Variants in PDE4D observed in about 807,000 individuals in gnomAD.
PDE4D encodes 3',5'-cyclic-AMP phosphodiesterase 4D.
In PDE4D, 24 loss-of-function variants were observed where a neutral mutation model predicts 87.4. The observed-to-expected ratio is 0.27, with a 90% confidence interval of 0.20 to 0.39. The LOEUF (loss-of-function observed/expected upper bound fraction) is 0.39. Ranked by LOEUF, PDE4D falls within the 10% of genes least tolerant of loss-of-function variation. The pLI, the probability that PDE4D is intolerant of heterozygous loss-of-function variation, is 1.00. For synonymous variants in PDE4D, 384 were observed against 383.2 expected (o/e 1.00, Z -0.02); for missense variants, 714 against 1,041.0 (o/e 0.69, Z 4.32).
intron 1 of PDE4D, among the ~76,000 whole-genome samples, chr5:60,357,153 CAA>C (rs57121664): frequency 3.5e-5 from 5 of 141,894 alleles, no homozygotes; most frequent in Admixed American, 7.1e-5. Context: ...GCAGCAATAC[CAA>C]AAAAAAAAAA....
At chr5:59,993,094 C>T (rs1230004892) in intron 2 of PDE4D, among the ~76,000 whole-genome samples, 1 of 152,042 alleles carries the variant, frequency 6.6e-6, no homozygotes. Flanking sequence ...GTCTCCAAGT[C>T]ATTATTTCTC....
chr5:60,261,468 T>C (rs1002440371), intron 1 of PDE4D, among the ~76,000 whole-genome samples: 5 of 152,160 alleles, frequency 3.3e-5, no homozygotes, highest in African/African-American at 1.2e-4. Context: ...TGTAATTAAA[T>C]TGGTACCTTT....
In PDE4D at chr5:60,321,271, A is replaced by G. The variant is rs545845266; in HGVS notation, c.-89-135584T>C. 1.1e-4 allele frequency among the ~76,000 whole-genome samples: 16 copies of G among 152,350 alleles called. 1 individual carries two copies. The South Asian group carries it at 3.1e-3, about 30-fold the overall frequency. ...CACGTAAAATCATCTGATCTTTGAC[A>G]AAGTCAACAAAGACAAGCAATGGGG... On this transcript the variant is annotated intron_variant, in intron 1 of 16. Transcript: ENST00000502484.
At chr5:60,309,239 G>C (rs565294514) in intron 1 of PDE4D, among the ~76,000 whole-genome samples, 70 of 152,116 alleles carry the variant, frequency 4.6e-4, no homozygotes, top group African/African-American at 1.5e-3. Context: ...AGGGAGGAGG[G>C]GGAGGGGAGG....
At chr5:59,406,471 A>G (rs1443559411) in intron 1 of PDE4D, among the ~76,000 whole-genome samples, 1 of 132,784 alleles carries the variant, frequency 7.5e-6, no homozygotes, top group Non-Finnish European at 1.5e-5. Flanking sequence ...GCTCACTGCA[A>G]CCTCCGCCTC....
intron 3 of PDE4D, among the ~76,000 whole-genome samples, chr5:59,909,830 C>T (rs1753247122): frequency 6.6e-6 from 1 of 152,096 alleles, no homozygotes; most frequent in Admixed American, 6.5e-5. Flanking sequence ...TTCAATGGTT[C>T]CCCATTATTC....
intron 5 of PDE4D, among the ~76,000 whole-genome samples, chr5:59,114,465 T>C (rs1355386626): frequency 1.3e-5 from 2 of 152,206 alleles, no homozygotes; most frequent in African/African-American, 2.4e-5. Context: ...ACCCATGGGA[T>C]ACTCAGTTGG....
chr5:59,023,112 T>C (rs1580353387), intron 6 of PDE4D, among the ~76,000 whole-genome samples: 1 of 151,210 alleles, frequency 6.6e-6, no homozygotes, highest in Admixed American at 6.6e-5. Flanking sequence ...GAGGAGAAGG[T>C]TGCAGTGAGC....
chr5:60,061,084 A>C (rs1771353442), intron 2 of PDE4D, among the ~76,000 whole-genome samples: 1 of 152,090 alleles, frequency 6.6e-6, no homozygotes. Flanking sequence ...TGGCCAGGGC[A>C]ATCAGGCAAG....
chr5:59,315,935 TAA>T (rs1335590650), intron 1 of PDE4D, among the ~76,000 whole-genome samples: 1 of 152,146 alleles, frequency 6.6e-6, no homozygotes, highest in African/African-American at 2.4e-5. Flanking sequence ...AGTAACTTTA[TAA>T]GAGTCCTGAG....
At chr5:59,642,946 A>G (rs992067037) in intron 1 of PDE4D, among the ~76,000 whole-genome samples, 1 of 152,218 alleles carries the variant, frequency 6.6e-6, no homozygotes, top group African/African-American at 2.4e-5. Context: ...AAAATAGTCA[A>G]TCTCTACATT....
At chr5:59,772,894 A>C (rs1030311681) in intron 1 of PDE4D, among the ~76,000 whole-genome samples, 2 of 152,204 alleles carry the variant, frequency 1.3e-5, no homozygotes, top group African/African-American at 4.8e-5. Flanking sequence ...CCCCAGAAGT[A>C]CTAGTTACTA....
intron 2 of PDE4D, among the ~76,000 whole-genome samples, chr5:59,197,471 T>C (rs1581314744): frequency 6.6e-6 from 1 of 152,232 alleles, no homozygotes; most frequent in Non-Finnish European, 1.5e-5. Context: ...CGGCAGGTTA[T>C]AGCCTATCCA....
At chr5:60,103,453 A>T (rs2149336395) in intron 2 of PDE4D, among the ~76,000 whole-genome samples, 1 of 152,332 alleles carries the variant, frequency 6.6e-6, no homozygotes, top group East Asian at 1.9e-4. Context: ...TTCCAGCCAT[A>T]TATTACTAGC....
In PDE4D at chr5:60,066,631, A is replaced by C. The variant is rs141395901; in HGVS notation, c.43-77914T>G. Among the ~76,000 whole-genome samples, 254 of 132,518 alleles carry C rather than the reference A, an allele frequency of 1.9e-3. 10 individuals carry two copies. In the East Asian group the frequency reaches 0.058, roughly 30 times the overall value. The allele number at this position is 132,518 out of a possible 152,430, so 86.9% of individuals were successfully genotyped here. A position where few individuals can be genotyped will look rare whatever the true frequency, so the allele number is the denominator to read the frequency against. ...TCATCATCATCATCATCATCATCTC[A>C]GGAAAATGACCAAGAAAATCTGAAC... On this transcript the variant is annotated intron_variant, in intron 2 of 16. Transcript: ENST00000502484.
At chr5:59,479,642 CACATGTAGT>C (rs1803907289) in intron 1 of PDE4D, among the ~76,000 whole-genome samples, 1 of 151,878 alleles carries the variant, frequency 6.6e-6, no homozygotes, top group African/African-American at 2.4e-5. Flanking sequence ...CAGAGATCAT[CACATGTAGT>C]AAGAGTAAGC....
At chr5:59,640,137 T>C (rs1372282605) in intron 1 of PDE4D, among the ~76,000 whole-genome samples, 2 of 152,272 alleles carry the variant, frequency 1.3e-5, no homozygotes, top group South Asian at 4.1e-4. Context: ...GTGTCTATTG[T>C]TTTTTGAAAA....
chr5:60,387,802 C>T (rs1032888657), intron 1 of PDE4D, among the ~76,000 whole-genome samples: 3 of 152,168 alleles, frequency 2.0e-5, no homozygotes, highest in African/African-American at 7.2e-5. Flanking sequence ...TGGACACCAA[C>T]TGGGGGTCCT....
At chr5:59,155,047 A>C (rs757087315) in intron 5 of PDE4D, among the ~76,000 whole-genome samples, 2 of 152,228 alleles carry the variant, frequency 1.3e-5, no homozygotes, top group African/African-American at 4.8e-5. Context: ...GAAGAGTTGG[A>C]TATCAATGGA....
Sources: gnomAD v4.1 joint callset for allele counts (sites outside exome capture counted in the v4.1 genomes callset) on GRCh38, gnomAD v4.1.1 for gene constraint, MANE v1.5 for transcripts, NCBI Gene and HGNC (gene_info 2026-07-23, HGNC 2026-07-21) for gene names.